Variants in RAPGEF5 observed in about 807,000 individuals in gnomAD.
RAPGEF5 encodes Rap guanine nucleotide exchange factor 5.
RAPGEF5 carries 65 observed loss-of-function variants against 125.2 expected under a neutral mutation model. The observed-to-expected ratio is 0.52, with a 90% CI of 0.43 to 0.64. The LOEUF is 0.64. RAPGEF5 is among the 30% of genes least tolerant of loss of function. The pLI is 0.00. For missense variants in RAPGEF5, 958 were observed against 1,048.1 expected (o/e 0.91, Z 1.19); for synonymous variants, 391 against 385.9 (o/e 1.01, Z -0.16).
At chr7:22,251,379 A>G (rs1786615726) in intron 7 of RAPGEF5, among the ~76,000 whole-genome samples, 2 of 152,206 alleles carry the variant, frequency 1.3e-5, no homozygotes, top group Admixed American at 6.5e-5. Flanking sequence ...TGTCCTGTTT[A>G]GGGCACCTGG....
At chr7:22,137,756 G>A (rs985848307) in intron 21 of RAPGEF5, among the ~76,000 whole-genome samples, 4 of 152,154 alleles carry the variant, frequency 2.6e-5, no homozygotes, top group Admixed American at 6.5e-5. Flanking sequence ...AGCTGAGGAT[G>A]TAGAGACCAC....
At chr7:22,139,609 TA>T (rs1783191741) in intron 21 of RAPGEF5, 1 of 156,044 alleles carries the variant, frequency 6.4e-6, no homozygotes, top group Non-Finnish European at 1.4e-5. Context: ...AAAAGAATAT[TA>T]AAATTACTTT....
chr7:22,310,898 G>A (rs189075079), intron 3 of RAPGEF5, among the ~76,000 whole-genome samples: 6 of 152,188 alleles, frequency 3.9e-5, no homozygotes, highest in East Asian at 3.9e-4. Flanking sequence ...TATTACAGGC[G>A]GTATCATCAT....
chr7:22,338,040 G>A (rs1784057591), intron 1 of RAPGEF5, among the ~76,000 whole-genome samples: 1 of 152,220 alleles, frequency 6.6e-6, no homozygotes, highest in Non-Finnish European at 1.5e-5. Flanking sequence ...AGAACTGTCA[G>A]TAGCATAATT....
At chr7:22,298,288 C>T (rs1263256960) in intron 5 of RAPGEF5, among the ~76,000 whole-genome samples, 1 of 151,802 alleles carries the variant, frequency 6.6e-6, no homozygotes, top group Admixed American at 6.6e-5. Context: ...AGCGATTCTC[C>T]TGCTTCAGTC....
At chr7:22,349,915 G>T (rs2128389100) in intron 1 of RAPGEF5, among the ~76,000 whole-genome samples, 1 of 152,234 alleles carries the variant, frequency 6.6e-6, no homozygotes, top group South Asian at 2.1e-4. Context: ...CCCTTCAGGG[G>T]ACTCTGGAGG....
Position 22,352,634 on chromosome 7 carries a change from T to C in RAPGEF5, c.231+4196A>G, listed in dbSNP as rs550647164. On this transcript the variant is annotated intron_variant, in intron 1 of 25. Transcript: ENST00000665637. ...AGTGACAGAAACAAATACATTAAGATTCATAAGTTCTTAATGACACTTAAA... is the reference window on the plus strand; with the variant it reads ...AGTGACAGAAACAAATACATTAAGACTCATAAGTTCTTAATGACACTTAAA... Among the ~76,000 whole-genome samples, 5 of 152,224 alleles carry C rather than the reference T, an allele frequency of 3.3e-5. No homozygotes were observed. The East Asian group carries it at 9.6e-4, about 29-fold the overall frequency.
At chr7:22,268,731 G>A (rs867273688) in intron 6 of RAPGEF5, among the ~76,000 whole-genome samples, 40 of 152,278 alleles carry the variant, frequency 2.6e-4, no homozygotes, top group African/African-American at 7.7e-4. Flanking sequence ...ACAACGGATC[G>A]AAACCAGTCA....
At chr7:22,136,236 C>T in intron 22 of RAPGEF5, 111 bp from the exon 23 acceptor site, 1 of 739,694 alleles carries the variant, frequency 1.4e-6, no homozygotes, top group African/African-American at 1.8e-5. Flanking sequence ...TAGAGAGATT[C>T]CTCCTAAGAA....
Position 22,156,836 on chromosome 7 carries a change from CTA to C in RAPGEF5, c.1608_1609del (p.His536GlnfsTer6), listed in dbSNP as rs1783825395. 2 of 1,613,952 alleles carry C rather than the reference CTA, an allele frequency of 1.2e-6. No individual in the cohort carries two copies. The highest frequency in any genetic ancestry group is 1.7e-6 in the Non-Finnish European group (2 of 1,179,864). ...TTCCTCCGTTTCAGTCACAGTTCCTCTATGCTGGAGCCAGTTCTCCTTAAGAC... is the reference window on the plus strand; with the variant it reads ...TTCCTCCGTTTCAGTCACAGTTCCTCTGCTGGAGCCAGTTCTCCTTAAGAC... On this transcript the variant is annotated frameshift_variant, in exon 16 of 26. Coordinates refer to ENST00000665637, the MANE Select transcript of RAPGEF5 (RefSeq NM_012294.5). LOFTEE classifies it high-confidence loss of function.
At chr7:22,248,445 G>T (rs1303094005) in intron 7 of RAPGEF5, among the ~76,000 whole-genome samples, 1 of 152,186 alleles carries the variant, frequency 6.6e-6, no homozygotes, top group Non-Finnish European at 1.5e-5. Context: ...CAAACTTCCA[G>T]ACTGGGTGTG....
At chr7:22,228,302 T>A (rs12155412) in intron 8 of RAPGEF5, among the ~76,000 whole-genome samples, 4,857 of 152,238 alleles carry the variant, frequency 0.032, 115 homozygotes, top group South Asian at 0.058. Flanking sequence ...TACCGGCACA[T>A]CTATAAAGTG....
chr7:22,293,260 T>A lies in RAPGEF5; in HGVS notation c.681-2019A>T, dbSNP rs17146574. ...GGCTCTGTGTGGCAATTCCAGGAACTTTATTTTCACCCACATGGGTACCTT... is the reference window on the plus strand; with the variant it reads ...GGCTCTGTGTGGCAATTCCAGGAACATTATTTTCACCCACATGGGTACCTT... On this transcript the variant is annotated intron_variant, in intron 5 of 25. Coordinates refer to ENST00000665637, the MANE Select transcript of RAPGEF5 (RefSeq NM_012294.5). 7.3e-4 allele frequency among the ~76,000 whole-genome samples: 111 copies of A among 152,266 alleles called. 1 individual carries two copies. In the East Asian group the frequency reaches 0.02, roughly 27 times the overall value.
At chr7:22,153,133 A>G (rs1199389190) in intron 17 of RAPGEF5, among the ~76,000 whole-genome samples, 1 of 152,156 alleles carries the variant, frequency 6.6e-6, no homozygotes, top group Non-Finnish European at 1.5e-5. Context: ...GTTTTGCTGC[A>G]GAGTTCATTC....
At chr7:22,223,811 G>C (rs1785849776) in intron 8 of RAPGEF5, among the ~76,000 whole-genome samples, 1 of 152,106 alleles carries the variant, frequency 6.6e-6, no homozygotes, top group Non-Finnish European at 1.5e-5. Flanking sequence ...AAAATAAGAA[G>C]AGAGTTATGA....
chr7:22,123,388 T>G (rs1436487044), intron 25 of RAPGEF5, among the ~76,000 whole-genome samples: 1 of 152,252 alleles, frequency 6.6e-6, no homozygotes, highest in Non-Finnish European at 1.5e-5. Flanking sequence ...CTGGCCAAAC[T>G]GCACTACAGT....
chr7:22,333,425 C>A (rs1483433886), intron 1 of RAPGEF5, among the ~76,000 whole-genome samples: 1 of 151,946 alleles, frequency 6.6e-6, no homozygotes, highest in Admixed American at 6.6e-5. Flanking sequence ...GCCAGAATAA[C>A]CAACAGTCTT....
intron 16 of RAPGEF5, among the ~76,000 whole-genome samples, chr7:22,155,353 GT>G: frequency 6.6e-6 from 1 of 152,290 alleles, no homozygotes; most frequent in Non-Finnish European, 1.5e-5. Context: ...AGCAGAAGCT[GT>G]TTTAATAGCA....
chr7:22,300,859 C>T (rs1248275470), intron 5 of RAPGEF5, among the ~76,000 whole-genome samples: 3 of 152,184 alleles, frequency 2.0e-5, no homozygotes, highest in Non-Finnish European at 2.9e-5. Flanking sequence ...CCATCCACCC[C>T]ACCCCATCAC....
Sources: allele counts gnomAD v4.1 joint callset (sites outside exome capture counted in the v4.1 genomes callset), GRCh38; gene constraint gnomAD v4.1.1; transcripts MANE v1.5; gene names NCBI Gene and HGNC (gene_info 2026-07-23, HGNC 2026-07-21).